The following EPC2 variants were observed in gnomAD, a reference collection of about 807,000 sequenced individuals.
EPC2 encodes the protein enhancer of polycomb 2, also known as enhancer of polycomb homolog 2.
In EPC2, 14 loss-of-function variants were observed where a neutral mutation model predicts 92.1. That is an observed-to-expected ratio of 0.15 (90% CI 0.10 to 0.24). The LOEUF is 0.24. Among genes scored for constraint, EPC2 ranks in the 10% least tolerant of loss-of-function variants. EPC2 has a pLI of 1.00. For missense variants in EPC2, 755 were observed against 971.5 expected (o/e 0.78, Z 2.96); for synonymous variants, 340 against 334.7 (o/e 1.02, Z -0.17).
chr2:148,687,360 A>G lies in EPC2; in HGVS notation c.154-2854A>G, dbSNP rs189931126. ...CACTGAAACTTTCTCTGTCTCACCAATAAGGCTGTTTTGCTTCGTTATTAT... is the reference window on the plus strand; with the variant it reads ...CACTGAAACTTTCTCTGTCTCACCAGTAAGGCTGTTTTGCTTCGTTATTAT... On this transcript the variant is annotated intron_variant, in intron 1 of 13. Transcript: ENST00000258484. 1.1e-3 allele frequency among the ~76,000 whole-genome samples: 163 copies of G among 152,350 alleles called. 1 individual carries two copies. Among genetic ancestry groups the G allele is most frequent in the African/African-American group, 3.7e-3 (155 of 41,580 alleles).
At position 148,763,942 on chromosome 2, in the gene EPC2, G is replaced by C. The variant is rs566463830; in HGVS notation, c.949-1013G>C. Among the ~76,000 whole-genome samples, 139 of 152,218 alleles carry C rather than the reference G, an allele frequency of 9.1e-4. 1 individual carries two copies. Among genetic ancestry groups the C allele is most frequent in the African/African-American group, 3.1e-3 (127 of 41,518 alleles). ...GACCTCCTCTATGAATAAATACTCA[G>C]CCTTCCTAAATACTAACTTTAGGGA... is the stretch of plus-strand genomic sequence containing the variant. On this transcript the variant is annotated intron_variant, in intron 6 of 13. Coordinates refer to ENST00000258484, the MANE Select transcript of EPC2 (RefSeq NM_015630.4).
intron 1 of EPC2, among the ~76,000 whole-genome samples, chr2:148,645,749 G>T (rs554061880): frequency 2.0e-5 from 3 of 152,142 alleles, no homozygotes; most frequent in Non-Finnish European, 4.4e-5. Context: ...ACTACCGAGC[G>T]GGTCGTAGCG....
At chr2:148,750,773 T>C (rs1668693818) in intron 3 of EPC2, among the ~76,000 whole-genome samples, 1 of 152,144 alleles carries the variant, frequency 6.6e-6, no homozygotes, top group South Asian at 2.1e-4. Flanking sequence ...TTAACTCTTT[T>C]TGAATTTAAT....
chr2:148,675,514 C>T (rs1681245492), intron 1 of EPC2, among the ~76,000 whole-genome samples: 1 of 152,102 alleles, frequency 6.6e-6, no homozygotes, highest in Non-Finnish European at 1.5e-5. Context: ...GAGGTATTCA[C>T]AACATTCTTA....
chr2:148,738,540 C>T (rs1050606996), intron 2 of EPC2, among the ~76,000 whole-genome samples: 4 of 152,238 alleles, frequency 2.6e-5, no homozygotes, highest in African/African-American at 9.6e-5. Flanking sequence ...TTAGAGGGTA[C>T]TTATGCTATA....
chr2:148,656,724 T>G (rs1268883048), intron 1 of EPC2, among the ~76,000 whole-genome samples: 1 of 152,228 alleles, frequency 6.6e-6, no homozygotes, highest in Non-Finnish European at 1.5e-5. Context: ...CAGCACCTTC[T>G]ATGTGCTTTA....
intron 1 of EPC2, among the ~76,000 whole-genome samples, chr2:148,684,987 A>T (rs1681484949): frequency 6.6e-6 from 1 of 152,106 alleles, no homozygotes; most frequent in African/African-American, 2.4e-5. Flanking sequence ...ATTACTAATG[A>T]ATTTGCACAT....
In EPC2 at chr2:148,783,582, T is replaced by G. The variant is rs1683799874; in HGVS notation, c.1858-15T>G. ...CATCTAAAAATTAGAGTGTTTAACT[T>G]TGTTCATTTTATAGGGCTCAAGCAC... On this transcript the variant is annotated splice_polypyrimidine_tract_variant and intron_variant, in intron 11 of 13. Coordinates refer to ENST00000258484, the MANE Select transcript of EPC2 (RefSeq NM_015630.4). 6.3e-7 allele frequency: 1 copy of G among 1,593,432 alleles called. No individual in the cohort carries two copies. Among genetic ancestry groups the G allele is most frequent in the South Asian group, 1.1e-5 (1 of 87,756 alleles).
chr2:148,649,932 T>C (rs1680638839), intron 1 of EPC2, among the ~76,000 whole-genome samples: 1 of 152,236 alleles, frequency 6.6e-6, no homozygotes, highest in Non-Finnish European at 1.5e-5. Flanking sequence ...GTCTGACTTT[T>C]GCTCTTGGGT....
intron 10 of EPC2, among the ~76,000 whole-genome samples, chr2:148,778,077 T>G (rs1384204542): frequency 2.6e-5 from 4 of 152,194 alleles, no homozygotes; most frequent in Admixed American, 2.0e-4. Context: ...AAGGAATGCT[T>G]CTCATCTATC....
chr2:148,696,657 C>T (rs1003793295), intron 2 of EPC2, among the ~76,000 whole-genome samples: 1 of 152,096 alleles, frequency 6.6e-6, no homozygotes, highest in Non-Finnish European at 1.5e-5. Flanking sequence ...ATGGGGCCTC[C>T]CAAAGAAGAT....
intron 1 of EPC2, among the ~76,000 whole-genome samples, chr2:148,667,848 C>G (rs1005858342): frequency 6.6e-6 from 1 of 152,082 alleles, no homozygotes; most frequent in African/African-American, 2.4e-5. Context: ...TGGCTTTTGT[C>G]AAATGCTTTT....
chr2:148,716,786 A>C (rs777309661), intron 2 of EPC2, among the ~76,000 whole-genome samples: 1 of 151,976 alleles, frequency 6.6e-6, no homozygotes, highest in Non-Finnish European at 1.5e-5. Context: ...CCTCCTTTTC[A>C]ATTTTTTGAA....
At position 148,720,967 on chromosome 2, in the gene EPC2, A is replaced by G. The variant is rs139804564; in HGVS notation, c.314-22655A>G. Among the ~76,000 whole-genome samples, 486 of 152,270 alleles carry G rather than the reference A, an allele frequency of 3.2e-3. 4 individuals carry two copies. The highest frequency in any genetic ancestry group is 0.011 in the African/African-American group (448 of 41,554). On this transcript the variant is annotated intron_variant, in intron 2 of 13. Coordinates refer to ENST00000258484, the MANE Select transcript of EPC2 (RefSeq NM_015630.4). ...TCCCCAGAATTGCTTCATTAAGACT[A>G]TATCTGTCTGTATGCTATGTGTAAG... is the stretch of plus-strand genomic sequence containing the variant.
intron 8 of EPC2, among the ~76,000 whole-genome samples, chr2:148,770,564 T>A (rs931594356): frequency 3.9e-5 from 6 of 152,224 alleles, no homozygotes; most frequent in Non-Finnish European, 5.9e-5. Flanking sequence ...GAATTTATAT[T>A]TACAAACTAA....
At chr2:148,713,091 A>G (rs890722852) in intron 2 of EPC2, among the ~76,000 whole-genome samples, 69 of 152,330 alleles carry the variant, frequency 4.5e-4, no homozygotes, top group African/African-American at 1.5e-3. Context: ...TAGCTTGTGT[A>G]TTTACTATTC....
At chr2:148,740,102 A>ATCTGGGTT (rs371660295) in intron 2 of EPC2, among the ~76,000 whole-genome samples, 3 of 151,890 alleles carry the variant, frequency 2.0e-5, no homozygotes, top group Non-Finnish European at 2.9e-5. Context: ...GGAGAAAGCT[A>ATCTGGGTT]TCTGGGTTTC....
At chr2:148,702,011 A>C (rs1024542852) in intron 2 of EPC2, among the ~76,000 whole-genome samples, 1 of 152,042 alleles carries the variant, frequency 6.6e-6, no homozygotes, top group South Asian at 2.1e-4. Flanking sequence ...TGTGCTTATC[A>C]TAATATACTT....
At position 148,662,616 on chromosome 2, in the gene EPC2, A is replaced by G. The variant is rs146856195; in HGVS notation, c.153+17446A>G. Among the ~76,000 whole-genome samples, 1,491 of 152,036 alleles carry G rather than the reference A, an allele frequency of 9.8e-3. 27 individuals carry two copies. Among genetic ancestry groups the G allele is most frequent in the East Asian group, 0.081 (416 of 5,152 alleles). Reference sequence around the variant, plus strand: ...GTCACTCATAGGTGGGAATTGAACAATGAGAACACATGGACACAGGAAGGG... The same window carrying G: ...GTCACTCATAGGTGGGAATTGAACAGTGAGAACACATGGACACAGGAAGGG... On this transcript the variant is annotated intron_variant, in intron 1 of 13. Coordinates refer to ENST00000258484, the MANE Select transcript of EPC2 (RefSeq NM_015630.4).
Sources: gnomAD v4.1 joint callset for allele counts (sites outside exome capture counted in the v4.1 genomes callset) on GRCh38, gnomAD v4.1.1 for gene constraint, MANE v1.5 for transcripts, NCBI Gene and HGNC (gene_info 2026-07-23, HGNC 2026-07-21) for gene names.